The following CUL5 variants were observed in gnomAD, a reference collection of about 807,000 sequenced individuals.
CUL5 encodes cullin-5.
Under a neutral mutation model 108.8 loss-of-function variants are expected in CUL5, and 26 were observed. The observed-to-expected ratio is 0.24, with a 90% confidence interval of 0.18 to 0.33. The LOEUF is 0.33. CUL5 is among the 10% of genes least tolerant of loss of function. The pLI is 1.00. For synonymous variants in CUL5, 334 were observed against 298.0 expected (o/e 1.12, Z -1.25); for missense variants, 524 against 909.2 (o/e 0.58, Z 5.45).
intron 11 of CUL5, among the ~76,000 whole-genome samples, chr11:108,087,144 T>C (rs1250491666): frequency 6.6e-6 from 1 of 152,142 alleles, no homozygotes; most frequent in Non-Finnish European, 1.5e-5. Flanking sequence ...TAGTCTCATC[T>C]ACTTATTTAT....
chr11:108,046,191 G>T, intron 2 of CUL5, 79 bp from the exon 3 acceptor site: 2 of 1,023,596 alleles, frequency 2.0e-6, no homozygotes, highest in Non-Finnish European at 2.9e-6. Flanking sequence ...CATGGAAACT[G>T]TACTGAAATA....
chr11:108,073,609 C>A, intron 10 of CUL5, 112 bp downstream of exon 10: 2 of 467,832 alleles, frequency 4.3e-6, no homozygotes, highest in Non-Finnish European at 3.7e-6. Flanking sequence ...AAAAACCTAG[C>A]AACTGTTATT....
At chr11:108,061,001 C>T (rs915792791) in intron 7 of CUL5, among the ~76,000 whole-genome samples, 2 of 152,144 alleles carry the variant, frequency 1.3e-5, no homozygotes, top group Non-Finnish European at 2.9e-5. Flanking sequence ...GAGGTTAAAA[C>T]ATCAAGCACA....
At chr11:108,021,756 T>A (rs1862331588) in intron 1 of CUL5, among the ~76,000 whole-genome samples, 1 of 152,188 alleles carries the variant, frequency 6.6e-6, no homozygotes, top group Non-Finnish European at 1.5e-5. Flanking sequence ...CCTCAAGTGA[T>A]TGTCCTGCCT....
chr11:108,059,307 T>C (rs1016062112), intron 7 of CUL5, among the ~76,000 whole-genome samples: 1 of 152,196 alleles, frequency 6.6e-6, no homozygotes, highest in African/African-American at 2.4e-5. Context: ...GGCATTATGC[T>C]AGTTGGGGAT....
intron 1 of CUL5, among the ~76,000 whole-genome samples, chr11:108,022,663 T>C (rs1862354924): frequency 6.6e-6 from 1 of 152,236 alleles, no homozygotes; most frequent in African/African-American, 2.4e-5. Context: ...AATTAAGTTA[T>C]TCTTCTGTAA....
At chr11:108,087,191 T>C (rs998635781) in intron 11 of CUL5, among the ~76,000 whole-genome samples, 7 of 152,186 alleles carry the variant, frequency 4.6e-5, no homozygotes, top group Non-Finnish European at 1.0e-4. Context: ...CATACATTTA[T>C]ACAAATAAAA....
intron 13 of CUL5, among the ~76,000 whole-genome samples, chr11:108,092,755 A>G (rs1591331515): frequency 6.6e-6 from 1 of 152,180 alleles, no homozygotes; most frequent in East Asian, 1.9e-4. Context: ...GATAGTGGTG[A>G]TGGTTGCACA....
intron 1 of CUL5, among the ~76,000 whole-genome samples, chr11:108,028,552 C>T (rs530334068): frequency 1.1e-4 from 16 of 152,196 alleles, no homozygotes; most frequent in Non-Finnish European, 1.9e-4. Flanking sequence ...GATTATGACA[C>T]TTCAGGCCAG....
chr11:108,096,602 T>G (rs1591334699), intron 16 of CUL5, among the ~76,000 whole-genome samples: 1 of 140,594 alleles, frequency 7.1e-6, no homozygotes, highest in African/African-American at 2.7e-5. Context: ...GAGACACTCT[T>G]GTCGCTCAGG....
At chr11:108,065,311 C>T (rs1479387082) in intron 7 of CUL5, among the ~76,000 whole-genome samples, 6 of 152,178 alleles carry the variant, frequency 3.9e-5, no homozygotes, top group African/African-American at 9.7e-5. Context: ...GCATGAGCCA[C>T]TGCACCTGTT....
intron 1 of CUL5, among the ~76,000 whole-genome samples, chr11:108,014,991 T>C (rs1251272079): frequency 1.3e-5 from 2 of 152,252 alleles, no homozygotes; most frequent in East Asian, 1.9e-4. Flanking sequence ...CTCCACCTCC[T>C]GGGTTCAAGC....
At chr11:108,095,429 C>A (rs1591333593) in intron 15 of CUL5, 101 bp from the exon 16 acceptor site, 6 of 797,392 alleles carry the variant, frequency 7.5e-6, no homozygotes, top group Non-Finnish European at 7.8e-6. Flanking sequence ...AGAGTGGATA[C>A]TGGAAGACAG....
At chr11:108,040,464 C>A (rs961266550) in intron 2 of CUL5, among the ~76,000 whole-genome samples, 1 of 151,876 alleles carries the variant, frequency 6.6e-6, no homozygotes, top group Non-Finnish European at 1.5e-5. Flanking sequence ...ATACAAAAAT[C>A]GGCTGGGTGT....
At chr11:108,024,970 C>G (rs904191380) in intron 1 of CUL5, among the ~76,000 whole-genome samples, 1 of 152,182 alleles carries the variant, frequency 6.6e-6, no homozygotes, top group African/African-American at 2.4e-5. Context: ...ACTACTAAAG[C>G]CTTCAGTTCA....
At chr11:108,100,207 A>AT (rs1177794708) in intron 18 of CUL5, among the ~76,000 whole-genome samples, 1 of 152,216 alleles carries the variant, frequency 6.6e-6, no homozygotes, top group Non-Finnish European at 1.5e-5. Flanking sequence ...TATTTTAAAA[A>AT]TCTGTAGTAA....
In CUL5 at chr11:108,025,776, C is replaced by A. The variant is rs187723974; in HGVS notation, c.25-8026C>A. Among the ~76,000 whole-genome samples, 24 of 152,264 alleles carry A rather than the reference C, an allele frequency of 1.6e-4. 1 individual carries two copies. The highest frequency in any genetic ancestry group is 1.4e-3 in the Admixed American group (22 of 15,294). ...ACCTTCTGTATAGATACCCAGAGCT[C>A]CCTTGATGCCACAAATTCTAGTCAC... On this transcript the variant is annotated intron_variant, in intron 1 of 18. Transcript: ENST00000393094.
chr11:108,085,824 C>T (rs1864207629), intron 11 of CUL5, among the ~76,000 whole-genome samples: 1 of 152,094 alleles, frequency 6.6e-6, no homozygotes, highest in Non-Finnish European at 1.5e-5. Context: ...TGACTGCTGG[C>T]AGGTGTGGGG....
In CUL5 at chr11:108,036,719, C is replaced by T. The variant is rs139341303; in HGVS notation, c.134+2808C>T. Among the ~76,000 whole-genome samples, 342 of 152,322 alleles carry T rather than the reference C, an allele frequency of 2.2e-3. 3 individuals are homozygous for T. Among genetic ancestry groups the T allele is most frequent in the African/African-American group, 7.8e-3 (323 of 41,576 alleles). On this transcript the variant is annotated intron_variant, in intron 2 of 18. Coordinates refer to ENST00000393094, the MANE Select transcript of CUL5 (RefSeq NM_003478.6). Reference sequence around the variant, plus strand: ...TCTCGAACTCTTGACCTCAAAGTTACCTGCCCACCTTGGCCTCCCAAAGTG... The same window carrying T: ...TCTCGAACTCTTGACCTCAAAGTTATCTGCCCACCTTGGCCTCCCAAAGTG...
Sources: gnomAD v4.1 joint callset for allele counts (sites outside exome capture counted in the v4.1 genomes callset) on GRCh38, gnomAD v4.1.1 for gene constraint, MANE v1.5 for transcripts, NCBI Gene and HGNC (gene_info 2026-07-23, HGNC 2026-07-21) for gene names.